Variants in ARB2A observed in about 807,000 individuals in gnomAD.
The protein encoded by ARB2A is ARB2 cotranscriptional regulator A.
At chr5:94,014,887 C>T in the ARB2A span, among the ~76,000 whole-genome samples, 2 of 148,964 alleles carry the variant, frequency 1.3e-5, no homozygotes, top group African/African-American at 5.0e-5. Flanking sequence ...AGACCACCTA[C>T]GAGATACAGA....
chr5:93,943,214 A>G, the ARB2A span, among the ~76,000 whole-genome samples: 1 of 152,150 alleles, frequency 6.6e-6, no homozygotes, highest in Non-Finnish European at 1.5e-5. Context: ...TGATTACTCC[A>G]ATTTACATTT....
the ARB2A span, among the ~76,000 whole-genome samples, chr5:94,076,006 C>T: frequency 6.6e-6 from 1 of 152,108 alleles, no homozygotes; most frequent in African/African-American, 2.4e-5. Context: ...CATAGTGTTA[C>T]AGTGAGGTTA....
At chr5:93,969,422 G>A in the ARB2A span, among the ~76,000 whole-genome samples, 2 of 151,998 alleles carry the variant, frequency 1.3e-5, no homozygotes, top group Non-Finnish European at 2.9e-5. Flanking sequence ...TTCCTAAGAA[G>A]CTGCCATAAA....
chr5:93,929,513 T>C, the ARB2A span, among the ~76,000 whole-genome samples: 2 of 152,138 alleles, frequency 1.3e-5, no homozygotes, highest in Non-Finnish European at 2.9e-5. Context: ...TAGGAAAGTA[T>C]AATTATTGGC....
the ARB2A span, among the ~76,000 whole-genome samples, chr5:93,780,221 C>T: frequency 6.6e-6 from 1 of 152,108 alleles, no homozygotes; most frequent in Non-Finnish European, 1.5e-5. Context: ...GTTTCTAAAG[C>T]CCTACACTCA....
the ARB2A span, among the ~76,000 whole-genome samples, chr5:93,773,454 C>T: frequency 6.6e-6 from 1 of 152,112 alleles, no homozygotes; most frequent in Admixed American, 6.5e-5. Flanking sequence ...TAACTAAAGG[C>T]AATAGCATAC....
the ARB2A span, among the ~76,000 whole-genome samples, chr5:93,851,955 T>C: frequency 2.6e-5 from 4 of 152,314 alleles, no homozygotes; most frequent in South Asian, 6.2e-4. Context: ...TTATAGTCCT[T>C]TGTGTATATA....
chr5:93,696,122 C>G, the ARB2A span, among the ~76,000 whole-genome samples: 1 of 152,018 alleles, frequency 6.6e-6, no homozygotes, highest in Non-Finnish European at 1.5e-5. Flanking sequence ...CACCGTGGCA[C>G]GTGTATACCT....
At chr5:94,062,229 T>C in the ARB2A span, among the ~76,000 whole-genome samples, 1 of 152,190 alleles carries the variant, frequency 6.6e-6, no homozygotes, top group Admixed American at 6.5e-5. Flanking sequence ...AAAATGAACC[T>C]CAACCTATAT....
At chr5:93,933,656 G>T in the ARB2A span, among the ~76,000 whole-genome samples, 1 of 152,072 alleles carries the variant, frequency 6.6e-6, no homozygotes, top group Non-Finnish European at 1.5e-5. Context: ...CCGTTAGGGG[G>T]TGGGGGGCTA....
chr5:93,772,856 A>T, the ARB2A span, among the ~76,000 whole-genome samples: 1 of 152,234 alleles, frequency 6.6e-6, no homozygotes, highest in South Asian at 2.1e-4. Context: ...CTAGAGGACA[A>T]GAGAGAGCCT....
At chr5:93,740,221 G>A in the ARB2A span, 2 of 177,938 alleles carry the variant, frequency 1.1e-5, no homozygotes, top group African/African-American at 4.7e-5. Flanking sequence ...ACTTAGTATT[G>A]TGTTTATGAA....
the ARB2A span, among the ~76,000 whole-genome samples, chr5:93,894,387 T>C: frequency 6.6e-6 from 1 of 151,966 alleles, no homozygotes; most frequent in African/African-American, 2.4e-5. Context: ...GCCTCTGCCA[T>C]TTCTTTGTGT....
chr5:93,965,971 C>T, the ARB2A span, among the ~76,000 whole-genome samples: 4 of 151,980 alleles, frequency 2.6e-5, no homozygotes, highest in African/African-American at 9.7e-5. Flanking sequence ...TACATTAGAA[C>T]TAGGTAATAA....
chr5:93,778,906 A>G, the ARB2A span, among the ~76,000 whole-genome samples: 2 of 152,224 alleles, frequency 1.3e-5, no homozygotes, highest in Non-Finnish European at 2.9e-5. Context: ...AAAGCAAAAT[A>G]TAAGTTAACA....
the ARB2A span, among the ~76,000 whole-genome samples, chr5:93,930,393 C>T: frequency 6.6e-6 from 1 of 152,170 alleles, no homozygotes; most frequent in Non-Finnish European, 1.5e-5. Context: ...GTTGCACTCT[C>T]GTGTATAATA....
At chr5:93,620,099 T>G in the ARB2A span, 2 of 152,198 alleles carry the variant, frequency 1.3e-5, no homozygotes, top group African/African-American at 4.8e-5. Context: ...GTGTGTTATA[T>G]CTAAATTACA....
At chr5:93,767,918 C>T in the ARB2A span, among the ~76,000 whole-genome samples, 7 of 129,852 alleles carry the variant, frequency 5.4e-5, no homozygotes, top group East Asian at 5.3e-4. Context: ...GGCCTGAACT[C>T]GGGAGGCGGA....
the ARB2A span, chr5:93,740,985 T>C: frequency 6.2e-7 from 1 of 1,613,818 alleles, no homozygotes; most frequent in Admixed American, 1.7e-5. Context: ...GAAGGTTCTC[T>C]GCTTCCACTT....
Sources: gnomAD v4.1 joint callset for allele counts (sites outside exome capture counted in the v4.1 genomes callset) on GRCh38, gnomAD v4.1.1 for gene constraint, MANE v1.5 for transcripts, NCBI Gene and HGNC (gene_info 2026-07-23, HGNC 2026-07-21) for gene names.